Variants in GRIA1 observed in about 807,000 individuals in gnomAD.
GRIA1 encodes the protein glutamate ionotropic receptor AMPA type subunit 1.
Under a neutral mutation model 99.2 loss-of-function variants are expected in GRIA1, and 31 were observed. The observed-to-expected ratio is 0.31, with a 90% confidence interval of 0.23 to 0.42. The LOEUF is 0.42. Among genes scored for constraint, GRIA1 ranks in the 10% least tolerant of loss-of-function variants. The probability of loss-of-function intolerance (pLI) is 1.00; values close to 1 mark genes in which losing one functional copy is unlikely to be tolerated. For synonymous variants in GRIA1, 438 were observed against 432.4 expected, an observed-to-expected ratio of 1.01 and a Z score of -0.16; for missense variants, 782 against 1,157.5, an observed-to-expected ratio of 0.68 and a Z score of 4.71.
chr5:153,539,296 T>C (rs984206154), intron 2 of GRIA1, among the ~76,000 whole-genome samples: 1 of 152,256 alleles, frequency 6.6e-6, no homozygotes, highest in African/African-American at 2.4e-5. Context: ...TCTAGCCATA[T>C]GCCATTGCAT....
intron 2 of GRIA1, among the ~76,000 whole-genome samples, chr5:153,561,245 G>C (rs1761098895): frequency 6.6e-6 from 1 of 152,162 alleles, no homozygotes; most frequent in African/African-American, 2.4e-5. Flanking sequence ...AAATAAATCA[G>C]AGAATTGGAC....
chr5:153,671,724 T>A (rs1466399310), intron 5 of GRIA1, among the ~76,000 whole-genome samples: 1 of 152,240 alleles, frequency 6.6e-6, no homozygotes, highest in Non-Finnish European at 1.5e-5. Flanking sequence ...GGCTTTTATT[T>A]GTTCACTCAA....
At chr5:153,715,982 G>A (rs1478357846) in intron 11 of GRIA1, among the ~76,000 whole-genome samples, 1 of 152,190 alleles carries the variant, frequency 6.6e-6, no homozygotes, top group Non-Finnish European at 1.5e-5. Context: ...TGGAGAAGAA[G>A]TGGGAAGAAT....
chr5:153,571,902 A>G (rs938907015), intron 2 of GRIA1, among the ~76,000 whole-genome samples: 5 of 151,982 alleles, frequency 3.3e-5, no homozygotes. Context: ...TCCTGCCTTC[A>G]TTTTCCCTTG....
intron 11 of GRIA1, among the ~76,000 whole-genome samples, chr5:153,748,188 G>GA (rs1427694724): frequency 1.3e-5 from 2 of 152,070 alleles, no homozygotes; most frequent in African/African-American, 4.8e-5. Flanking sequence ...TGAAAGAAAT[G>GA]AAAAAAATAA....
intron 2 of GRIA1, among the ~76,000 whole-genome samples, chr5:153,640,613 T>A (rs1045796891): frequency 1.3e-5 from 2 of 152,222 alleles, no homozygotes; most frequent in Admixed American, 6.5e-5. Flanking sequence ...AAGGACCCAG[T>A]TAACACTGAC....
intron 2 of GRIA1, among the ~76,000 whole-genome samples, chr5:153,627,043 G>A (rs998119214): frequency 1.3e-5 from 2 of 152,156 alleles, no homozygotes; most frequent in African/African-American, 4.8e-5. Context: ...GCTATTCTTA[G>A]TCTCTCAACT....
intron 2 of GRIA1, among the ~76,000 whole-genome samples, chr5:153,540,057 G>A (rs1263682872): frequency 6.6e-6 from 1 of 152,230 alleles, no homozygotes; most frequent in African/African-American, 2.4e-5. Flanking sequence ...GCTTGGTAAG[G>A]TTGAAGGTAG....
chr5:153,500,606 TACATAC>T (rs1754913043), intron 2 of GRIA1, among the ~76,000 whole-genome samples: 2 of 57,194 alleles, frequency 3.5e-5, no homozygotes, highest in East Asian at 5.8e-4. Context: ...CTCCCCCTCT[TACATAC>T]ACACACACAC....
At chr5:153,734,029 C>G (rs1444168218) in intron 11 of GRIA1, among the ~76,000 whole-genome samples, 1 of 152,204 alleles carries the variant, frequency 6.6e-6, no homozygotes, top group Non-Finnish European at 1.5e-5. Context: ...ATATGCAGAA[C>G]ATTCCATCCA....
chr5:153,578,148 C>CAA (rs60901793), intron 2 of GRIA1, among the ~76,000 whole-genome samples: 2,915 of 69,322 alleles, frequency 0.042, 191 homozygotes, highest in African/African-American at 0.061. Flanking sequence ...GAGACTCTGT[C>CAA]AAAAAAAAAA....
intron 2 of GRIA1, among the ~76,000 whole-genome samples, chr5:153,612,780 T>A (rs1329210790): frequency 6.6e-6 from 1 of 152,186 alleles, no homozygotes; most frequent in Non-Finnish European, 1.5e-5. Flanking sequence ...GCAAGCTTCG[T>A]AGGATACCCA....
chr5:153,567,439 A>C (rs969756394), intron 2 of GRIA1, among the ~76,000 whole-genome samples: 2 of 152,178 alleles, frequency 1.3e-5, no homozygotes, highest in Non-Finnish European at 2.9e-5. Flanking sequence ...GGGCCAGATA[A>C]TTCTTTGTTG....
At chr5:153,522,559 T>C (rs1757245176) in intron 2 of GRIA1, among the ~76,000 whole-genome samples, 1 of 152,154 alleles carries the variant, frequency 6.6e-6, no homozygotes, top group Non-Finnish European at 1.5e-5. Flanking sequence ...ATGCTGCAAG[T>C]CCAACACAAA....
At chr5:153,720,497 C>T (rs1759979508) in intron 11 of GRIA1, among the ~76,000 whole-genome samples, 1 of 152,180 alleles carries the variant, frequency 6.6e-6, no homozygotes, top group Non-Finnish European at 1.5e-5. Flanking sequence ...CCATCCCACG[C>T]CCAGAGTCTC....
intron 2 of GRIA1, among the ~76,000 whole-genome samples, chr5:153,560,671 T>C (rs716517): frequency 0.42 from 63,688 of 152,050 alleles, 15,051 homozygotes; most frequent in East Asian, 0.72. Flanking sequence ...TGTGAGTCTA[T>C]TTAACCTCTT....
At chr5:153,569,560 T>C (rs28723572) in intron 2 of GRIA1, among the ~76,000 whole-genome samples, 1 of 151,882 alleles carries the variant, frequency 6.6e-6, no homozygotes, top group Non-Finnish European at 1.5e-5. Flanking sequence ...CGCCTGAACC[T>C]GGGATAGCCC....
In GRIA1 at chr5:153,596,218, A is replaced by G. The variant is rs148179365; in HGVS notation, c.221-50710A>G. 1.6e-4 allele frequency among the ~76,000 whole-genome samples: 24 copies of G among 152,360 alleles called. No homozygotes were observed. In the East Asian group the frequency reaches 4.2e-3, roughly 27 times the overall value. On this transcript the variant is annotated intron_variant, in intron 2 of 15. Coordinates refer to ENST00000285900, the MANE Select transcript of GRIA1 (RefSeq NM_000827.4). ...TCTTTTAACCACACAGGGTATAACAAGTATGCATCTATTCTTTTTGGAATG... is the reference window on the plus strand; with the variant it reads ...TCTTTTAACCACACAGGGTATAACAGGTATGCATCTATTCTTTTTGGAATG...
intron 5 of GRIA1, 130 bp from the exon 6 acceptor site, chr5:153,674,370 G>A (rs1756415341): frequency 5.2e-6 from 5 of 957,528 alleles, no homozygotes; most frequent in Non-Finnish European, 8.1e-6. Context: ...AGGAAAGGAG[G>A]CCTAACTGTC....
Sources: allele counts gnomAD v4.1 joint callset (sites outside exome capture counted in the v4.1 genomes callset), GRCh38; gene constraint gnomAD v4.1.1; transcripts MANE v1.5; gene names NCBI Gene and HGNC (gene_info 2026-07-23, HGNC 2026-07-21).